The following TRHDE variants were observed in gnomAD, a reference collection of about 807,000 sequenced individuals.
The protein encoded by TRHDE is thyrotropin-releasing hormone-degrading ectoenzyme.
Under a neutral mutation model 125.7 loss-of-function variants are expected in TRHDE, and 72 were observed. The observed-to-expected ratio is 0.57, with a 90% CI of 0.47 to 0.70. TRHDE has a LOEUF of 0.70. Among genes scored for constraint, TRHDE ranks in the 30% least tolerant of loss-of-function variants. TRHDE has a pLI of 0.00. For synonymous variants in TRHDE, 509 were observed against 509.1 expected, an observed-to-expected ratio of 1.00 and a Z score of 0.00; for missense variants, 1,110 against 1,327.1, an observed-to-expected ratio of 0.84 and a Z score of 2.54.
intron 2 of TRHDE, among the ~76,000 whole-genome samples, chr12:72,109,462 T>A (rs1875266374): frequency 6.6e-6 from 1 of 152,050 alleles, no homozygotes; most frequent in Non-Finnish European, 1.5e-5. Flanking sequence ...TTAACTAATA[T>A]CACATAATAA....
chr12:72,474,782 G>A (rs188854077), intron 5 of TRHDE, among the ~76,000 whole-genome samples: 88 of 149,222 alleles, frequency 5.9e-4, no homozygotes, highest in Admixed American at 2.5e-3. Flanking sequence ...TGAAGAACAC[G>A]TAAACCAAGG....
At chr12:72,457,613 C>CTA (rs1375982894) in intron 3 of TRHDE, among the ~76,000 whole-genome samples, 1 of 149,180 alleles carries the variant, frequency 6.7e-6, no homozygotes, top group Non-Finnish European at 1.5e-5. Flanking sequence ...GAAATTAATG[C>CTA]TATACAGTTT....
At chr12:72,566,433 C>T (rs549176326) in intron 9 of TRHDE, among the ~76,000 whole-genome samples, 3 of 150,808 alleles carry the variant, frequency 2.0e-5, no homozygotes, top group Admixed American at 2.0e-4. Flanking sequence ...TGTATCTGAA[C>T]AGCTGTGTGA....
At chr12:72,416,199 G>GA (rs1230249839) in intron 3 of TRHDE, among the ~76,000 whole-genome samples, 1 of 151,896 alleles carries the variant, frequency 6.6e-6, no homozygotes, top group Non-Finnish European at 1.5e-5. Context: ...GTCTTCTTTT[G>GA]AGAAATGTCT....
rs564074194 is a variant in TRHDE, at chr12:72,111,453, G to T, written n.279+5701G>T. Among the ~76,000 whole-genome samples, 3 of 152,250 alleles carry T rather than the reference G, an allele frequency of 2.0e-5. No individual in the cohort carries two copies. In the East Asian group the frequency reaches 5.8e-4, roughly 29 times the overall value. On this transcript the variant is annotated intron_variant and non_coding_transcript_variant, in intron 2 of 4. Transcript: ENST00000548156. ...TACTTATTTTCTTTATAAGTAGAAA[G>T]TGGAATGAAACAGCTCATTGTACTG...
intron 1 of TRHDE, among the ~76,000 whole-genome samples, chr12:72,094,537 G>A (rs1874866879): frequency 6.6e-6 from 1 of 152,138 alleles, no homozygotes; most frequent in Non-Finnish European, 1.5e-5. Context: ...GACACAGATG[G>A]GTGCATATCT....
intron 3 of TRHDE, among the ~76,000 whole-genome samples, chr12:72,426,031 T>G (rs1016098971): frequency 6.6e-6 from 1 of 152,094 alleles, no homozygotes; most frequent in Non-Finnish European, 1.5e-5. Flanking sequence ...GTGGCAGGGA[T>G]GATGCTCACA....
At chr12:72,626,982 C>T (rs1873284408) in intron 15 of TRHDE, among the ~76,000 whole-genome samples, 1 of 151,824 alleles carries the variant, frequency 6.6e-6, no homozygotes, top group South Asian at 2.1e-4. Context: ...TCTAAATTTT[C>T]ATAGGCTAAA....
At chr12:72,350,014 A>G (rs1870508493) in intron 2 of TRHDE, among the ~76,000 whole-genome samples, 1 of 151,986 alleles carries the variant, frequency 6.6e-6, no homozygotes, top group Admixed American at 6.6e-5. Context: ...GATTGATAAA[A>G]TGATACCATT....
At chr12:72,371,395 T>A (rs752426489) in intron 2 of TRHDE, among the ~76,000 whole-genome samples, 51 of 151,210 alleles carry the variant, frequency 3.4e-4, no homozygotes, top group Non-Finnish European at 5.9e-4. Context: ...TTTATTTATT[T>A]TTATTATTAT....
At chr12:72,517,859 G>T (rs940162478) in intron 6 of TRHDE, among the ~76,000 whole-genome samples, 1 of 151,706 alleles carries the variant, frequency 6.6e-6, no homozygotes, top group Admixed American at 6.6e-5. Context: ...TGTTCTCATT[G>T]GTTTCAAAGA....
At chr12:72,319,592 A>C (rs7957269) in intron 2 of TRHDE, among the ~76,000 whole-genome samples, 1 of 152,070 alleles carries the variant, frequency 6.6e-6, no homozygotes, top group Non-Finnish European at 1.5e-5. Context: ...TCTATCATCT[A>C]TCATCACCTA....
rs2136122994 is a variant in TRHDE, at chr12:72,669,894, G to A, written c.*6699G>A. ...CTATCTTTTAATCCCTTTGCATTTT[G>A]ATAATATCGAAAACAGATTAGGGCT... On this transcript the variant is annotated 3_prime_UTR_variant, in exon 19 of 19. Coordinates refer to ENST00000261180, the MANE Select transcript of TRHDE (RefSeq NM_013381.3). The A allele has an allele frequency of 6.6e-6, 1 of 151,296 alleles. No individual in the cohort carries two copies. The highest frequency in any genetic ancestry group is 2.4e-5 in the African/African-American group (1 of 41,314). 9.4% of individuals were successfully genotyped at this position (151,296 alleles called of 1,614,324 possible).
intron 2 of TRHDE, among the ~76,000 whole-genome samples, chr12:72,259,644 C>T (rs1286219205): frequency 6.6e-6 from 1 of 152,130 alleles, no homozygotes; most frequent in African/African-American, 2.4e-5. Context: ...ACACATCATT[C>T]ATCTCAACTT....
intron 2 of TRHDE, among the ~76,000 whole-genome samples, chr12:72,191,910 C>A: frequency 6.6e-6 from 1 of 152,072 alleles, no homozygotes; most frequent in Non-Finnish European, 1.5e-5. Context: ...TGAAGTTGAG[C>A]AGTAGTATAA....
intron 2 of TRHDE, among the ~76,000 whole-genome samples, chr12:72,128,540 G>A (rs187044147): frequency 7.2e-5 from 11 of 152,190 alleles, no homozygotes; most frequent in Admixed American, 1.3e-4. Flanking sequence ...ATTAAACTAC[G>A]TCATATGTTC....
intron 3 of TRHDE, among the ~76,000 whole-genome samples, chr12:72,416,039 G>A (rs1863951479): frequency 1.3e-5 from 2 of 151,846 alleles, no homozygotes; most frequent in Admixed American, 1.3e-4. Context: ...GTCCTTGCCA[G>A]CATTTGTTAT....
At chr12:72,362,391 C>CAT (rs1871138501) in intron 2 of TRHDE, among the ~76,000 whole-genome samples, 3 of 150,148 alleles carry the variant, frequency 2.0e-5, no homozygotes, top group African/African-American at 7.3e-5. Flanking sequence ...ATGTCCTTTG[C>CAT]CCACTTTTTG....
intron 12 of TRHDE, chr12:72,582,260 A>T: frequency 1.0e-6 from 1 of 983,734 alleles, no homozygotes; most frequent in Non-Finnish European, 1.2e-6. Context: ...AAGCCTGGGA[A>T]TTCAGCATAA....
Sources: allele counts gnomAD v4.1 joint callset (sites outside exome capture counted in the v4.1 genomes callset), GRCh38; gene constraint gnomAD v4.1.1; transcripts MANE v1.5; gene names NCBI Gene and HGNC (gene_info 2026-07-23, HGNC 2026-07-21).